The following FAM153A variants were observed in gnomAD, a reference collection of about 807,000 sequenced individuals.
The protein encoded by FAM153A is family with sequence similarity 153 member A.
In FAM153A, 12 loss-of-function variants were observed where a neutral mutation model predicts 48.1. The observed-to-expected ratio is 0.25, with a 90% CI of 0.16 to 0.40. The LOEUF (loss-of-function observed/expected upper bound fraction) is 0.40. Ranked by LOEUF, FAM153A falls within the 10% of genes least tolerant of loss-of-function variation. FAM153A has a pLI of 1.00. For missense variants in FAM153A, 111 were observed against 345.8 expected (o/e 0.32, Z 5.38); for synonymous variants, 36 against 118.2 (o/e 0.30, Z 4.51).
Position 177,771,675 on chromosome 5 carries a change from G to A in FAM153A, c.-57+8774C>T, listed in dbSNP as rs1769117721. On this transcript the variant is annotated intron_variant, in intron 1 of 8. Coordinates refer to the FAM153A transcript ENST00000393518. ...CCACCATGCCCTAAGACTGGTCACC[G>A]TGTCTAAAGTGTTTATAGAAACAAT... is the stretch of plus-strand genomic sequence containing the variant. 3.1e-5 allele frequency among the ~76,000 whole-genome samples: 3 copies of A among 96,798 alleles called. 1 individual carries two copies. Among genetic ancestry groups the A allele is most frequent in the South Asian group, 3.7e-4 (1 of 2,694 alleles). The allele number at this position is 96,798 out of a possible 152,430, so 63.5% of individuals were successfully genotyped here.
chr5:177,694,918 T>C, the FAM153A span, among the ~76,000 whole-genome samples: 1 of 151,926 alleles, frequency 6.6e-6, no homozygotes, highest in Admixed American at 6.5e-5. Context: ...AAACATTTTG[T>C]AATTTTAGGT....
At chr5:177,713,608 ATGT>A (rs950669421) in intron 26 of FAM153A, 2 of 151,512 alleles carry the variant, frequency 1.3e-5, no homozygotes, top group African/African-American at 2.4e-5. Context: ...TGAGGAGATG[ATGT>A]TGGCCAGGAT....
At chr5:177,700,171 C>G in the FAM153A span, among the ~76,000 whole-genome samples, 1 of 151,826 alleles carries the variant, frequency 6.6e-6, no homozygotes, top group Non-Finnish European at 1.5e-5. Flanking sequence ...AATGAATAAA[C>G]TAGGAATAGG....
chr5:177,698,721 C>T, the FAM153A span, among the ~76,000 whole-genome samples: 183 of 151,872 alleles, frequency 1.2e-3, no homozygotes, highest in East Asian at 1.9e-3. Flanking sequence ...TGCAGTGGTG[C>T]GATCACGGCT....
intron 2 of FAM153A, among the ~76,000 whole-genome samples, chr5:177,749,306 C>T (rs983819902): frequency 6.7e-6 from 1 of 149,786 alleles, no homozygotes; most frequent in Non-Finnish European, 1.5e-5. Context: ...ACCCTCCTCC[C>T]CCAAAATATA....
rs1221537347 is a variant in FAM153A, at chr5:177,772,935, A to C, written c.-57+7514T>G. On this transcript the variant is annotated intron_variant, in intron 1 of 8. Transcript: ENST00000393518. ...CTGAGAACGGGCAGACTGCCTCCTC[A>C]AGTGGGTCCCTGACCCCTGACCCCC... Among the ~76,000 whole-genome samples the C allele has an allele frequency of 1.1e-4, 2 of 18,940 alleles. 1 individual carries two copies. The highest frequency in any genetic ancestry group is 2.5e-4 in the Non-Finnish European group (2 of 7,988). 12.4% of individuals were successfully genotyped at this position (18,940 alleles called of 152,430 possible).
chr5:177,706,110 G>A (rs1757861776), downstream of FAM153A, among the ~76,000 whole-genome samples: 1 of 151,626 alleles, frequency 6.6e-6, no homozygotes, highest in African/African-American at 2.4e-5. Flanking sequence ...TAGACAAGTG[G>A]ACCCAGTAGA....
intron 10 of FAM153A, 88 bp from the exon 13 acceptor site, chr5:177,737,200 T>C (rs1764805465): frequency 1.3e-6 from 2 of 1,544,984 alleles, no homozygotes; most frequent in Non-Finnish European, 1.8e-6. Context: ...GGCTGGCGTG[T>C]GTGGAAAGGT....
At chr5:177,743,204 TTG>T (rs200877305) in intron 6 of FAM153A, among the ~76,000 whole-genome samples, 213 of 41,174 alleles carry the variant, frequency 5.2e-3, no homozygotes, top group African/African-American at 0.017. Flanking sequence ...TTTTTTTGTT[TTG>T]TTTTTTTTTT....
upstream of FAM153A, among the ~76,000 whole-genome samples, chr5:177,756,573 C>G (rs1276080815): frequency 1.3e-5 from 2 of 149,958 alleles, no homozygotes; most frequent in East Asian, 3.9e-4. Context: ...CAAAATTGAC[C>G]ACATAGTTGG....
At chr5:177,718,994 C>A (rs1043429325), downstream of FAM153A, among the ~76,000 whole-genome samples, 1 of 151,512 alleles carries the variant, frequency 6.6e-6, no homozygotes, top group Non-Finnish European at 1.5e-5. Context: ...CATCCTCCCA[C>A]CTCAGCCTCC....
upstream of FAM153A, among the ~76,000 whole-genome samples, chr5:177,754,509 T>G (rs1245273895): frequency 6.6e-6 from 1 of 151,828 alleles, no homozygotes; most frequent in Admixed American, 6.6e-5. Flanking sequence ...GGCACACAGT[T>G]TGAGATCTGA....
At chr5:177,753,894 C>A (rs987117504), upstream of FAM153A, among the ~76,000 whole-genome samples, 2 of 151,920 alleles carry the variant, frequency 1.3e-5, no homozygotes, top group Non-Finnish European at 2.9e-5. Flanking sequence ...CTCCAGTCTG[C>A]AGCTCCCAGC....
chr5:177,781,703 G>A (rs1348689516), upstream of FAM153A: 2 of 95,590 alleles, frequency 2.1e-5, 1 homozygote, highest in Non-Finnish European at 4.4e-5. Flanking sequence ...AATGACTCAC[G>A]GTTTTTTGTT....
chr5:177,752,638 A>AAAAAAAAAG (rs1554153712), intron 1 of FAM153A, among the ~76,000 whole-genome samples: 6 of 98,692 alleles, frequency 6.1e-5, no homozygotes, highest in South Asian at 3.1e-4. Flanking sequence ...AAAAAAAAAA[A>AAAAAAAAAG]AAAAGAAAAG....
chr5:177,709,093 C>CAAAAAAAAAAAA (rs56257501), downstream of FAM153A, among the ~76,000 whole-genome samples: 13 of 34,120 alleles, frequency 3.8e-4, 2 homozygotes, highest in Non-Finnish European at 6.8e-4. Context: ...GACTCCGTCT[C>CAAAAAAAAAAAA]AAAAAAAAAA....
chr5:177,753,050 A>T (rs1398203138), intron 1 of FAM153A: 2 of 639,840 alleles, frequency 3.1e-6, no homozygotes, highest in Admixed American at 7.5e-5. Flanking sequence ...ACTCTGAAAC[A>T]TATTTATAAA....
At chr5:177,702,228 C>T in the FAM153A span, among the ~76,000 whole-genome samples, 1 of 151,732 alleles carries the variant, frequency 6.6e-6, no homozygotes, top group Non-Finnish European at 1.5e-5. Context: ...TTTGTTATAC[C>T]TTAGCAAAGA....
chr5:177,696,057 T>A, the FAM153A span, among the ~76,000 whole-genome samples: 3 of 129,282 alleles, frequency 2.3e-5, no homozygotes, highest in Non-Finnish European at 4.9e-5. Context: ...CGCTCCTCAC[T>A]TCCCAGATGA....
Sources: gnomAD v4.1 joint callset for allele counts (sites outside exome capture counted in the v4.1 genomes callset) on GRCh38, gnomAD v4.1.1 for gene constraint, MANE v1.5 for transcripts, NCBI Gene and HGNC (gene_info 2026-07-23, HGNC 2026-07-21) for gene names.